GRM1: variants seen among roughly 807,000 people sequenced by gnomAD.
GRM1 encodes glutamate metabotropic receptor 1.
Under a neutral mutation model 90.9 loss-of-function variants are expected in GRM1, and 33 were observed. The ratio of observed to expected loss-of-function variants is 0.36; its 90% CI spans 0.28 to 0.49. The LOEUF (loss-of-function observed/expected upper bound fraction) is 0.49, where lower values mean the gene tolerates loss of function less well. Ranked by LOEUF, GRM1 falls within the 20% of genes least tolerant of loss-of-function variation. The pLI, the probability that GRM1 is intolerant of heterozygous loss-of-function variation, is 0.99. For synonymous variants in GRM1, 700 were observed against 613.2 expected, an observed-to-expected ratio of 1.14 and a Z score of -2.09; for missense variants, 1,190 against 1,534.3, an observed-to-expected ratio of 0.78 and a Z score of 3.75.
chr6:146,074,699 C>T (rs1178213054), intron 1 of GRM1, among the ~76,000 whole-genome samples: 2 of 152,018 alleles, frequency 1.3e-5, no homozygotes, highest in African/African-American at 2.4e-5. Context: ...ATTTCTTTGG[C>T]CCCTTTTGCT....
chr6:146,161,170 T>C (rs1307416576), intron 2 of GRM1, among the ~76,000 whole-genome samples: 2 of 152,192 alleles, frequency 1.3e-5, no homozygotes, highest in Admixed American at 6.5e-5. Context: ...AAAATTCTCA[T>C]ATTTATAATT....
intron 1 of GRM1, among the ~76,000 whole-genome samples, chr6:146,158,546 G>C (rs1456016145): frequency 2.0e-5 from 3 of 152,092 alleles, no homozygotes. Context: ...TGAGGGCATG[G>C]TATCAGATGT....
At chr6:146,087,700 A>G (rs1776591861) in intron 1 of GRM1, among the ~76,000 whole-genome samples, 1 of 152,188 alleles carries the variant, frequency 6.6e-6, no homozygotes, top group South Asian at 2.1e-4. Context: ...ACAGTATGTG[A>G]CCTTTTGAAA....
intron 2 of GRM1, among the ~76,000 whole-genome samples, chr6:146,261,388 T>C (rs552267023): frequency 1.3e-5 from 2 of 152,232 alleles, no homozygotes; most frequent in African/African-American, 4.8e-5. Flanking sequence ...GTGGATCTTC[T>C]AATCTGGAGC....
intron 2 of GRM1, among the ~76,000 whole-genome samples, chr6:146,260,804 G>GTTTTTTTTTTTTTTTT (rs56956724): frequency 3.1e-4 from 7 of 22,740 alleles, no homozygotes; most frequent in African/African-American, 1.0e-3. Flanking sequence ...GGTTATTTGG[G>GTTTTTTTTTTTTTTTT]TTTTTTTTTT....
At position 146,066,766 on chromosome 6, in the gene GRM1, C is replaced by G. The variant is rs976356934; in HGVS notation, c.700+36549C>G. 4.3e-3 allele frequency among the ~76,000 whole-genome samples: 257 copies of G among 60,160 alleles called. 1 individual carries two copies. Among genetic ancestry groups the G allele is most frequent in the African/African-American group, 0.012 (244 of 20,842 alleles). The allele number at this position is 60,160 out of a possible 152,430, so 39.5% of individuals were successfully genotyped here. Reference sequence around the variant, plus strand: ...TTTTACATAATAATAGACAGACAGGCAGAGAGAGAGAGAGAGAGAGAGAGA... The same window carrying G: ...TTTTACATAATAATAGACAGACAGGGAGAGAGAGAGAGAGAGAGAGAGAGA... On this transcript the variant is annotated intron_variant, in intron 1 of 7. Transcript: ENST00000282753.
At chr6:146,115,958 T>G (rs1043638448) in intron 1 of GRM1, among the ~76,000 whole-genome samples, 2 of 152,302 alleles carry the variant, frequency 1.3e-5, no homozygotes, top group East Asian at 3.9e-4. Flanking sequence ...ACATTCATAG[T>G]AGATATATTT....
At chr6:146,337,902 T>C (rs1562619987) in intron 3 of GRM1, among the ~76,000 whole-genome samples, 1 of 152,230 alleles carries the variant, frequency 6.6e-6, no homozygotes, top group Non-Finnish European at 1.5e-5. Flanking sequence ...CAAACTGGCA[T>C]ATATTATACA....
At chr6:146,138,905 A>G (rs377070923) in intron 1 of GRM1, among the ~76,000 whole-genome samples, 2 of 150,600 alleles carry the variant, frequency 1.3e-5, no homozygotes, top group African/African-American at 4.9e-5. Flanking sequence ...GTTCTTTAAG[A>G]TGCATACTTA....
At chr6:146,262,353 T>G (rs1353982379) in intron 2 of GRM1, among the ~76,000 whole-genome samples, 1 of 152,026 alleles carries the variant, frequency 6.6e-6, no homozygotes, top group Non-Finnish European at 1.5e-5. Flanking sequence ...CATTAGATTT[T>G]CATCTCACAG....
intron 1 of GRM1, among the ~76,000 whole-genome samples, chr6:146,037,808 A>G (rs959576872): frequency 3.3e-5 from 5 of 151,944 alleles, no homozygotes; most frequent in Non-Finnish European, 7.4e-5. Flanking sequence ...TAACTATTTT[A>G]TTTATAAATT....
At chr6:146,379,930 GTCTCTCTC>G (rs56732675) in intron 5 of GRM1, among the ~76,000 whole-genome samples, 56 of 147,840 alleles carry the variant, frequency 3.8e-4, no homozygotes, top group Middle Eastern at 7.0e-3. Context: ...TACAGAGTCT[GTCTCTCTC>G]TCTCTCTCTC....
intron 2 of GRM1, among the ~76,000 whole-genome samples, chr6:146,179,330 GATGACCTT>G (rs1285516775): frequency 1.3e-5 from 2 of 152,290 alleles, no homozygotes; most frequent in East Asian, 3.9e-4. Flanking sequence ...CTTGCAGAGA[GATGACCTT>G]ATGACCCCAG....
intron 2 of GRM1, among the ~76,000 whole-genome samples, chr6:146,294,560 G>T (rs565130832): frequency 1.2e-4 from 19 of 152,038 alleles, no homozygotes; most frequent in Non-Finnish European, 2.5e-4. Flanking sequence ...CCTTATACAT[G>T]TTCATTAGAC....
intron 7 of GRM1, among the ~76,000 whole-genome samples, chr6:146,415,135 A>C (rs1562683443): frequency 6.6e-6 from 1 of 152,180 alleles, no homozygotes. Context: ...AAGTCTGAGA[A>C]TAGGGTAGCA....
intron 2 of GRM1, among the ~76,000 whole-genome samples, chr6:146,161,907 C>T (rs902855115): frequency 6.6e-6 from 1 of 152,134 alleles, no homozygotes; most frequent in Admixed American, 6.5e-5. Context: ...AGTAGTGAGA[C>T]GATGCCATCC....
chr6:146,424,585 A>C (rs908801977), intron 7 of GRM1, among the ~76,000 whole-genome samples: 2 of 152,238 alleles, frequency 1.3e-5, no homozygotes, highest in Non-Finnish European at 2.9e-5. Flanking sequence ...GAATTTCAAG[A>C]GGATGATTAC....
chr6:146,359,304 T>C (rs1183229150), intron 5 of GRM1, among the ~76,000 whole-genome samples: 1 of 152,160 alleles, frequency 6.6e-6, no homozygotes, highest in African/African-American at 2.4e-5. Context: ...GGTTGCATCA[T>C]CTTTTCTGAA....
At chr6:146,353,482 A>G (rs550367296) in intron 4 of GRM1, among the ~76,000 whole-genome samples, 3 of 152,328 alleles carry the variant, frequency 2.0e-5, no homozygotes, top group African/African-American at 7.2e-5. Context: ...ACAGATAATA[A>G]AACTGGGTAT....
Sources: gnomAD v4.1 joint callset for allele counts (sites outside exome capture counted in the v4.1 genomes callset) on GRCh38, gnomAD v4.1.1 for gene constraint, MANE v1.5 for transcripts, NCBI Gene and HGNC (gene_info 2026-07-23, HGNC 2026-07-21) for gene names.